The following AGO4 variants were observed in gnomAD, a reference collection of about 807,000 sequenced individuals.
AGO4 encodes argonaute RISC component 4, also known as protein argonaute-4.
Under a neutral mutation model 104.7 loss-of-function variants are expected in AGO4, and 33 were observed. The ratio of observed to expected loss-of-function variants is 0.32; its 90% confidence interval spans 0.24 to 0.42. The LOEUF (loss-of-function observed/expected upper bound fraction) is 0.42, where lower values mean the gene tolerates loss of function less well. Among genes scored for constraint, AGO4 ranks in the 10% least tolerant of loss-of-function variants. AGO4 has a pLI of 1.00. For missense variants in AGO4, 711 were observed against 1,083.4 expected, an observed-to-expected ratio of 0.66 and a Z score of 4.83; for synonymous variants, 331 against 364.7, an observed-to-expected ratio of 0.91 and a Z score of 1.05.
At chr1:35,826,100 A>G (rs374712943) in intron 6 of AGO4, 40 bp downstream of exon 6, 118 of 1,607,612 alleles carry the variant, frequency 7.3e-5, no homozygotes, top group Middle Eastern at 3.3e-4. Context: ...GAAGCAGCTC[A>G]GCATGCTGCA....
chr1:35,846,289 T>C (rs1028879495), intron 15 of AGO4, among the ~76,000 whole-genome samples: 3 of 152,042 alleles, frequency 2.0e-5, no homozygotes, highest in African/African-American at 7.2e-5. Context: ...AGTCCCTCCA[T>C]ACGCATTTAG....
At chr1:35,848,943 C>G (rs1644636994) in intron 15 of AGO4, among the ~76,000 whole-genome samples, 1 of 152,134 alleles carries the variant, frequency 6.6e-6, no homozygotes, top group Admixed American at 6.5e-5. Context: ...TTTTTCTATA[C>G]TCATAGAGTT....
intron 13 of AGO4, among the ~76,000 whole-genome samples, chr1:35,839,003 C>CAGTG (rs960302460): frequency 2.0e-5 from 3 of 151,842 alleles, no homozygotes; most frequent in African/African-American, 7.3e-5. Flanking sequence ...TTTTTTGAGA[C>CAGTG]AGTGTCTCAC....
At position 35,856,457 on chromosome 1, in the gene AGO4, T is replaced by C. The variant is rs1471874531; in HGVS notation, c.*2852T>C. ...TTTGGTTTTGGTTTTGTTTTTTAAATGCAGCCTGTTGAGGCACTGTCATGT... is the reference window on the plus strand; with the variant it reads ...TTTGGTTTTGGTTTTGTTTTTTAAACGCAGCCTGTTGAGGCACTGTCATGT... On this transcript the variant is annotated 3_prime_UTR_variant, in exon 18 of 18. Coordinates refer to ENST00000373210, the MANE Select transcript of AGO4 (RefSeq NM_017629.4). 6.6e-6 allele frequency: 1 copy of C among 152,296 alleles called. No homozygotes were observed. Among genetic ancestry groups the C allele is most frequent in the Non-Finnish European group, 1.5e-5 (1 of 68,102 alleles). 9.4% of individuals were successfully genotyped at this position (152,296 alleles called of 1,614,324 possible).
At chr1:35,823,412 C>T (rs2148659128) in intron 3 of AGO4, among the ~76,000 whole-genome samples, 1 of 152,172 alleles carries the variant, frequency 6.6e-6, no homozygotes, top group Admixed American at 6.6e-5. Flanking sequence ...GCCACCACAC[C>T]TGGCTAATTT....
Position 35,850,199 on chromosome 1 carries a change from A to G in AGO4, c.2218A>G (p.Ser740Gly), listed in dbSNP as rs778766428. 15 of 1,613,874 alleles carry G rather than the reference A, an allele frequency of 9.3e-6. No homozygotes were observed. In the Admixed American group the frequency reaches 2.3e-4, roughly 25 times the overall value. Residue 740 changes from serine (S) to glycine (G), a missense_variant, in exon 16 of 18, where the codon AGT becomes GGT. Ser to Gly is a moderately conservative substitution (Grantham distance 56). This residue lies in a region of AGO4 where 401 missense variants were observed against 665.5 expected (regional missense o/e 0.60). Coordinates refer to ENST00000373210, the MANE Select transcript of AGO4 (RefSeq NM_017629.4). ...GNVPAGTTVD[S>G]TITHPSEFDF... Reference sequence around the variant, plus strand: ...TGTACCAGCAGGCACTACAGTGGATAGTACCATCACACATCCATCTGAGTT... The same window carrying G: ...TGTACCAGCAGGCACTACAGTGGATGGTACCATCACACATCCATCTGAGTT...
At position 35,841,682 on chromosome 1, in the gene AGO4, G is replaced by A; in HGVS notation, c.2107G>A (p.Gly703Arg). 1 of 1,613,948 alleles carries A rather than the reference G, an allele frequency of 6.2e-7. No individual in the cohort carries two copies. Among genetic ancestry groups the A allele is most frequent in the Non-Finnish European group, 8.5e-7 (1 of 1,179,986 alleles). ...CISLEEDYRP[G>R]ITYIVVQKRH... ...TAGCTTGGAAGAAGATTACCGGCCA[G>A]GAATAACTTATATTGTGGTGCAAAA... Residue 703 changes from glycine to arginine, a missense_variant, in exon 15 of 18, where the codon GGA becomes AGA. By Grantham distance (125) the Gly-to-Arg change is moderately radical. Transcript: ENST00000373210. The surrounding 1 kb of genome is among the most constrained non-coding windows in gnomAD (Gnocchi z 4.7).
chr1:35,836,106 A>ATGGG, intron 13 of AGO4, 113 bp downstream of exon 13: 1 of 1,123,262 alleles, frequency 8.9e-7, no homozygotes, highest in Non-Finnish European at 1.3e-6. Flanking sequence ...TTGTATATAT[A>ATGGG]TGCACCCATA....
chr1:35,849,368 CT>C (rs202154111), intron 15 of AGO4, among the ~76,000 whole-genome samples: 106 of 151,048 alleles, frequency 7.0e-4, no homozygotes, highest in African/African-American at 2.3e-3. Flanking sequence ...TTGCCAGTGA[CT>C]TTTTTTTTAT....
At chr1:35,818,658 A>AAAGAAAGAAAGGAAGGAAGGAAGG (rs1553144552) in intron 2 of AGO4, among the ~76,000 whole-genome samples, 2 of 61,512 alleles carry the variant, frequency 3.3e-5, no homozygotes, top group African/African-American at 1.1e-4. Flanking sequence ...AGAAAGAAAG[A>AAAGAAAGAAAGGAAGGAAGGAAGG]AAGGAAGAAA....
intron 2 of AGO4, among the ~76,000 whole-genome samples, chr1:35,818,633 G>GA (rs1176427338): frequency 9.3e-6 from 1 of 106,970 alleles, no homozygotes; most frequent in African/African-American, 4.7e-5. Context: ...CAAAAAGAAA[G>GA]AAAGAAAGAA....
At chr1:35,822,775 G>A (rs768006686) in intron 2 of AGO4, 87 bp from the exon 3 acceptor site, 95 of 1,532,444 alleles carry the variant, frequency 6.2e-5, no homozygotes, top group Non-Finnish European at 7.7e-5. Flanking sequence ...ATACTGAACC[G>A]AATTTAAATG....
At chr1:35,831,384 A>G in intron 7 of AGO4, 43 bp from the exon 8 acceptor site, 1 of 1,551,752 alleles carries the variant, frequency 6.4e-7, no homozygotes, top group Non-Finnish European at 8.7e-7. Flanking sequence ...AAGAAAAGAA[A>G]GAACTTGAAG....
intron 15 of AGO4, among the ~76,000 whole-genome samples, chr1:35,848,654 G>A (rs965759506): frequency 6.7e-5 from 10 of 150,296 alleles, no homozygotes; most frequent in Non-Finnish European, 1.5e-4. Flanking sequence ...TTTTTTTTAA[G>A]GGTAAAATAA....
chr1:35,821,692 T>G (rs1643889188), intron 2 of AGO4, among the ~76,000 whole-genome samples: 1 of 152,062 alleles, frequency 6.6e-6, no homozygotes, highest in African/African-American at 2.4e-5. Context: ...CAACATTCCC[T>G]TGTCTACACT....
At chr1:35,812,914 C>T (rs1312888888) in intron 1 of AGO4, among the ~76,000 whole-genome samples, 1 of 151,930 alleles carries the variant, frequency 6.6e-6, no homozygotes, top group East Asian at 1.9e-4. Flanking sequence ...ATGAATGATA[C>T]AGTGATTGCT....
At chr1:35,845,656 A>G (rs1644555574) in intron 15 of AGO4, among the ~76,000 whole-genome samples, 1 of 151,952 alleles carries the variant, frequency 6.6e-6, no homozygotes, top group Non-Finnish European at 1.5e-5. Flanking sequence ...TTGCTTGTAG[A>G]TTACTAAATC....
intron 11 of AGO4, among the ~76,000 whole-genome samples, chr1:35,833,754 A>G (rs1050493626): frequency 2.0e-5 from 3 of 152,236 alleles, no homozygotes; most frequent in African/African-American, 7.2e-5. Context: ...TCAGTTGATA[A>G]TCTGATAGCT....
chr1:35,839,239 C>T (rs940642466), intron 13 of AGO4, among the ~76,000 whole-genome samples: 2 of 152,166 alleles, frequency 1.3e-5, no homozygotes, highest in Admixed American at 6.6e-5. Flanking sequence ...GCTCAGCCTC[C>T]CAACACAGTT....
Sources: gnomAD v4.1 joint callset for allele counts (sites outside exome capture counted in the v4.1 genomes callset) on GRCh38, gnomAD v4.1.1 for gene constraint, gnomAD v4.1.1 regional missense constraint, Gnocchi (gnomAD v3.1) non-coding constraint, MANE v1.5 for transcripts, NCBI Gene and HGNC (gene_info 2026-07-23, HGNC 2026-07-21) for gene names.